The following UTRN variants were observed in gnomAD, a reference collection of about 807,000 sequenced individuals.
The protein encoded by UTRN is utrophin, also known as dystrophin-related protein 1.
In UTRN, 283 loss-of-function variants were observed where a neutral mutation model predicts 463.9. The observed-to-expected ratio is 0.61, with a 90% CI of 0.55 to 0.67. The LOEUF is 0.67. Ranked by LOEUF, UTRN falls within the 30% of genes least tolerant of loss-of-function variation. The pLI is 0.00. For synonymous variants in UTRN, 1,442 were observed against 1,431.5 expected (o/e 1.01, Z -0.17); for missense variants, 3,922 against 4,084.3 (o/e 0.96, Z 1.08).
Position 144,546,265 on chromosome 6 carries a change from A to G in UTRN, c.6596-2375A>G, listed in dbSNP as rs1412218663. Among the ~76,000 whole-genome samples, 3 of 152,160 alleles carry G rather than the reference A, an allele frequency of 2.0e-5. No homozygotes were observed. In the East Asian group the frequency reaches 5.8e-4, roughly 29 times the overall value. On this transcript the variant is annotated intron_variant, in intron 46 of 74. Coordinates refer to ENST00000367545, the MANE Select transcript of UTRN (RefSeq NM_007124.3). ...ATTACTTGGCCCAGTTTACACTGAC[A>G]CTGGCTGTGTGTAATGGGTTCTTAT... is the stretch of plus-strand genomic sequence containing the variant.
intron 41 of UTRN, among the ~76,000 whole-genome samples, chr6:144,524,063 A>G (rs919918367): frequency 6.6e-6 from 1 of 152,220 alleles, no homozygotes; most frequent in Non-Finnish European, 1.5e-5. Flanking sequence ...ACAGAATAAT[A>G]CATTGGGTAA....
In UTRN at chr6:144,797,812, T is replaced by G; in HGVS notation, c.9079-12T>G. Reference sequence around the variant, plus strand: ...CATTTCTTCACTTTTAATATATTTCTTTTTTCACCAGAATAACAATAAACC... The same window carrying G: ...CATTTCTTCACTTTTAATATATTTCGTTTTTCACCAGAATAACAATAAACC... On this transcript the variant is annotated splice_polypyrimidine_tract_variant and intron_variant, in intron 63 of 74. Transcript: ENST00000367545. The G allele has an allele frequency of 1.2e-6, 2 of 1,610,996 alleles. No homozygotes were observed. The highest frequency in any genetic ancestry group is 1.7e-6 in the Non-Finnish European group (2 of 1,177,980).
At chr6:144,548,896 C>G (rs774554350) in intron 47 of UTRN, 42 bp downstream of exon 47, 1 of 1,592,650 alleles carries the variant, frequency 6.3e-7, no homozygotes, top group Non-Finnish European at 8.6e-7. Context: ...AACGCCACAA[C>G]CCAGAGGTAG....
At chr6:144,530,474 A>G (rs1258944620) in intron 41 of UTRN, among the ~76,000 whole-genome samples, 1 of 152,194 alleles carries the variant, frequency 6.6e-6, no homozygotes, top group Non-Finnish European at 1.5e-5. Context: ...TCAGTATATA[A>G]CATATAGATA....
intron 51 of UTRN, among the ~76,000 whole-genome samples, chr6:144,599,406 T>C (rs1347575835): frequency 6.6e-6 from 1 of 152,174 alleles, no homozygotes; most frequent in African/African-American, 2.4e-5. Flanking sequence ...AGGTTATTAT[T>C]CTGGACATAC....
intron 50 of UTRN, among the ~76,000 whole-genome samples, chr6:144,569,458 T>C (rs556717299): frequency 1.9e-4 from 29 of 152,284 alleles, no homozygotes; most frequent in African/African-American, 6.5e-4. Flanking sequence ...GCCTAGTATT[T>C]CACCAAATTC....
intron 2 of UTRN, among the ~76,000 whole-genome samples, chr6:144,385,789 A>G (rs1162739906): frequency 2.0e-5 from 3 of 151,328 alleles, no homozygotes; most frequent in African/African-American, 7.3e-5. Flanking sequence ...GCTCAGTGCA[A>G]CCTCCGCCTC....
intron 51 of UTRN, among the ~76,000 whole-genome samples, chr6:144,586,098 G>A (rs1388424347): frequency 1.3e-5 from 2 of 151,842 alleles, no homozygotes; most frequent in Non-Finnish European, 2.9e-5. Flanking sequence ...CGTCTTTTCT[G>A]CTTATTTTCA....
intron 66 of UTRN, among the ~76,000 whole-genome samples, chr6:144,824,259 A>G (rs554299740): frequency 5.5e-4 from 84 of 151,972 alleles, no homozygotes; most frequent in African/African-American, 1.8e-3. Flanking sequence ...TCTTTGAGTA[A>G]AAGCAGCAGG....
At chr6:144,382,841 G>C (rs1167376105) in intron 2 of UTRN, among the ~76,000 whole-genome samples, 1 of 152,146 alleles carries the variant, frequency 6.6e-6, no homozygotes, top group Non-Finnish European at 1.5e-5. Flanking sequence ...GACTCTGATA[G>C]CATCCTTAGT....
chr6:144,652,575 C>G (rs138837690), intron 51 of UTRN, among the ~76,000 whole-genome samples: 2 of 152,126 alleles, frequency 1.3e-5, no homozygotes, highest in Non-Finnish European at 2.9e-5. Flanking sequence ...CATTTTCAAG[C>G]GTTATCAATG....
chr6:144,520,873 T>C (rs1433049328), intron 39 of UTRN, among the ~76,000 whole-genome samples: 1 of 152,202 alleles, frequency 6.6e-6, no homozygotes, highest in Non-Finnish European at 1.5e-5. Context: ...AGCTGCAGTT[T>C]GGCCCTTTGC....
intron 65 of UTRN, among the ~76,000 whole-genome samples, chr6:144,806,791 C>T (rs528534833): frequency 9.2e-6 from 1 of 108,778 alleles, no homozygotes; most frequent in East Asian, 3.0e-4. Context: ...CAAGTCTGGA[C>T]ATATTTCTCT....
At chr6:144,840,230 ATAAG>A (rs1260722971) in intron 72 of UTRN, among the ~76,000 whole-genome samples, 2 of 152,188 alleles carry the variant, frequency 1.3e-5, no homozygotes, top group Non-Finnish European at 2.9e-5. Context: ...TATTTTTTAA[ATAAG>A]AGAACTATCT....
intron 73 of UTRN, among the ~76,000 whole-genome samples, chr6:144,844,194 C>T (rs1440718956): frequency 1.3e-5 from 2 of 151,752 alleles, no homozygotes; most frequent in Non-Finnish European, 2.9e-5. Flanking sequence ...AATTATTAAA[C>T]CTTTTAAAAA....
intron 65 of UTRN, among the ~76,000 whole-genome samples, chr6:144,819,782 A>G (rs1324804618): frequency 2.0e-5 from 3 of 152,188 alleles, no homozygotes; most frequent in African/African-American, 7.2e-5. Flanking sequence ...GGGCAGGGAC[A>G]GGGAGCAGGC....
At chr6:144,484,090 C>T (rs1302640697) in intron 27 of UTRN, among the ~76,000 whole-genome samples, 1 of 152,184 alleles carries the variant, frequency 6.6e-6, no homozygotes, top group South Asian at 2.1e-4. Context: ...AAACTTACCA[C>T]TCAAATAAGT....
chr6:144,747,796 C>T (rs189229810), intron 54 of UTRN, among the ~76,000 whole-genome samples: 170 of 152,282 alleles, frequency 1.1e-3, no homozygotes, highest in African/African-American at 3.9e-3. Context: ...GAACACAATA[C>T]ATTAATCTTA....
At chr6:144,454,838 A>G (rs1788662596) in intron 19 of UTRN, among the ~76,000 whole-genome samples, 1 of 152,168 alleles carries the variant, frequency 6.6e-6, no homozygotes. Context: ...TTACATTGAA[A>G]TACATGACTT....
Sources: allele counts gnomAD v4.1 joint callset (sites outside exome capture counted in the v4.1 genomes callset), GRCh38; gene constraint gnomAD v4.1.1; transcripts MANE v1.5; gene names NCBI Gene and HGNC (gene_info 2026-07-23, HGNC 2026-07-21).